SNRPN: variants seen among roughly 807,000 people sequenced by gnomAD.
SNRPN encodes the protein small nuclear ribonucleoprotein polypeptide N.
A neutral mutation model predicts 25.2 loss-of-function variants in SNRPN; 7 were observed. The ratio of observed to expected loss-of-function variants is 0.28; its 90% CI spans 0.16 to 0.52. The LOEUF (loss-of-function observed/expected upper bound fraction) is 0.52, where lower values mean the gene tolerates loss of function less well. Among genes scored for constraint, SNRPN ranks in the 20% least tolerant of loss-of-function variants. The probability of loss-of-function intolerance (pLI) is 0.96; values close to 1 mark genes in which losing one functional copy is unlikely to be tolerated. For missense variants in SNRPN, 196 were observed against 322.5 expected, an observed-to-expected ratio of 0.61 and a Z score of 3.00; for synonymous variants, 124 against 110.6, an observed-to-expected ratio of 1.12 and a Z score of -0.76.
At chr15:24,890,698 A>T (rs2057602019) in intron 2 of SNRPN, among the ~76,000 whole-genome samples, 1 of 151,968 alleles carries the variant, frequency 6.6e-6, no homozygotes, top group Non-Finnish European at 1.5e-5. Context: ...AAACAAAAAC[A>T]AAAAAACAAA....
At chr15:24,891,237 T>C (rs983648286) in intron 2 of SNRPN, among the ~76,000 whole-genome samples, 2 of 152,186 alleles carry the variant, frequency 1.3e-5, no homozygotes, top group Admixed American at 1.3e-4. Flanking sequence ...ATGGCATTTT[T>C]TTTGAGACAG....
At chr15:24,875,022 G>C (rs115421448) in intron 1 of SNRPN, among the ~76,000 whole-genome samples, 1 of 152,126 alleles carries the variant, frequency 6.6e-6, no homozygotes, top group Non-Finnish European at 1.5e-5. Flanking sequence ...AGATGTATTT[G>C]TCCTATAGTC....
intron 2 of SNRPN, among the ~76,000 whole-genome samples, chr15:24,913,160 G>A (rs544753421): frequency 6.6e-6 from 1 of 151,970 alleles, no homozygotes; most frequent in Non-Finnish European, 1.5e-5. Context: ...GTCTGATCTC[G>A]AACCCCTGAC....
At chr15:24,876,231 A>T (rs751551943) in intron 1 of SNRPN, among the ~76,000 whole-genome samples, 1 of 152,080 alleles carries the variant, frequency 6.6e-6, no homozygotes, top group African/African-American at 2.4e-5. Context: ...CTTTGGCCAC[A>T]TAAGTATCAT....
At chr15:24,868,535 G>T (rs918619883) in intron 1 of SNRPN, among the ~76,000 whole-genome samples, 5 of 152,162 alleles carry the variant, frequency 3.3e-5, no homozygotes, top group Admixed American at 6.5e-5. Context: ...AATAAGTCAA[G>T]GTTGCTGCCC....
intron 6 of SNRPN, 122 bp downstream of exon 6, chr15:24,976,538 G>C (rs1365512590): frequency 2.7e-6 from 2 of 752,048 alleles, no homozygotes; most frequent in African/African-American, 3.6e-5. Flanking sequence ...AATGTGCCAG[G>C]CACTTAATAT....
At chr15:24,829,623 A>C (rs181911918) in intron 1 of SNRPN, among the ~76,000 whole-genome samples, 1 of 152,028 alleles carries the variant, frequency 6.6e-6, no homozygotes. Context: ...CAGTTCTTTT[A>C]TGAAATGTTA....
chr15:24,886,940 AC>A (rs2057251779), intron 2 of SNRPN, among the ~76,000 whole-genome samples: 1 of 152,142 alleles, frequency 6.6e-6, no homozygotes, highest in African/African-American at 2.4e-5. Context: ...TTAGGACCCT[AC>A]CCAAAGTGGC....
chr15:24,956,164 C>G (rs1413883099), intron 1 of SNRPN, among the ~76,000 whole-genome samples: 3 of 152,152 alleles, frequency 2.0e-5, no homozygotes, highest in Admixed American at 6.5e-5. Context: ...CTTGCATTTA[C>G]AGATCTTTTG....
chr15:24,857,935 C>T (rs1007843401), intron 1 of SNRPN, among the ~76,000 whole-genome samples: 1 of 151,992 alleles, frequency 6.6e-6, no homozygotes, highest in African/African-American at 2.4e-5. Flanking sequence ...GAGATGAAAT[C>T]ATAGGGAGTG....
intron 3 of SNRPN, among the ~76,000 whole-genome samples, chr15:24,921,478 T>G (rs1313508710): frequency 1.3e-5 from 2 of 152,190 alleles, no homozygotes; most frequent in African/African-American, 4.8e-5. Context: ...TGGAAGCAAC[T>G]GTGATACGGA....
chr15:24,914,618 G>A (rs2152314989), intron 2 of SNRPN, among the ~76,000 whole-genome samples: 1 of 152,246 alleles, frequency 6.6e-6, no homozygotes. Flanking sequence ...CTTGTCCAGA[G>A]CAATCAATGG....
chr15:24,866,238 A>T (rs2054557589), intron 1 of SNRPN, among the ~76,000 whole-genome samples: 1 of 148,482 alleles, frequency 6.7e-6, no homozygotes, highest in South Asian at 2.2e-4. Context: ...ATATGTCTCC[A>T]TTTTTATTAA....
intron 3 of SNRPN, among the ~76,000 whole-genome samples, chr15:24,940,906 G>C (rs371120506): frequency 1.3e-5 from 2 of 152,194 alleles, no homozygotes; most frequent in East Asian, 3.8e-4. Flanking sequence ...GAGTTGCGGT[G>C]TTAAGTGTTA....
intron 5 of SNRPN, among the ~76,000 whole-genome samples, chr15:24,976,034 T>G (rs2077020945): frequency 6.6e-6 from 1 of 152,216 alleles, no homozygotes; most frequent in South Asian, 2.1e-4. Context: ...TTGTTTTTCT[T>G]AAAAGGTATT....
chr15:24,876,837 G>T (rs1275231900), intron 1 of SNRPN, among the ~76,000 whole-genome samples: 1 of 152,124 alleles, frequency 6.6e-6, no homozygotes, highest in Non-Finnish European at 1.5e-5. Flanking sequence ...GAATGGGAAT[G>T]TATAGAATGC....
rs1041013256 is a variant in SNRPN, at chr15:24,867,954, T to A, written c.-579+11238T>A. 2.6e-5 allele frequency among the ~76,000 whole-genome samples: 4 copies of A among 152,206 alleles called. No homozygotes were observed. In the South Asian group the frequency reaches 8.3e-4, roughly 32 times the overall value. ...TTAGCATATCATTATATTTTCTTTTTATTTTTAAATATTTTAGTAGTTGCC... is the reference window on the plus strand; with the variant it reads ...TTAGCATATCATTATATTTTCTTTTAATTTTTAAATATTTTAGTAGTTGCC... On this transcript the variant is annotated intron_variant, in intron 1 of 11. Transcript: ENST00000400097.
At chr15:24,866,301 T>C (rs2054565342) in intron 1 of SNRPN, among the ~76,000 whole-genome samples, 1 of 152,208 alleles carries the variant, frequency 6.6e-6, no homozygotes, top group Admixed American at 6.5e-5. Context: ...GTTTGAATAA[T>C]AATGTGCATT....
intron 3 of SNRPN, among the ~76,000 whole-genome samples, chr15:24,927,476 ATTTTTTTTTTTTTTTTTTTTTTTTTTTT>A (rs71127023): frequency 4.0e-5 from 1 of 25,104 alleles, no homozygotes; most frequent in African/African-American, 1.5e-4. Context: ...AAGTTTTTAA[ATTTTTTTTTTTTTTTTTTTTTTTTTTTT>A]TTTTTTTTTT....
Sources: gnomAD v4.1 joint callset for allele counts (sites outside exome capture counted in the v4.1 genomes callset) on GRCh38, gnomAD v4.1.1 for gene constraint, MANE v1.5 for transcripts, NCBI Gene and HGNC (gene_info 2026-07-23, HGNC 2026-07-21) for gene names.